The following CAMTA1 variants were observed in gnomAD, a reference collection of about 807,000 sequenced individuals.
The protein encoded by CAMTA1 is calmodulin-binding transcription activator 1.
Under a neutral mutation model 170.9 loss-of-function variants are expected in CAMTA1, and 27 were observed. The ratio of observed to expected loss-of-function variants is 0.16; its 90% confidence interval spans 0.12 to 0.22. The LOEUF is 0.22. CAMTA1 is among the 10% of genes least tolerant of loss of function. The pLI is 1.00. For synonymous variants in CAMTA1, 833 were observed against 891.5 expected (o/e 0.93, Z 1.17); for missense variants, 1,619 against 2,217.2 (o/e 0.73, Z 5.42).
intron 6 of CAMTA1, among the ~76,000 whole-genome samples, chr1:7,597,484 T>C (rs1233062018): frequency 2.0e-5 from 3 of 152,120 alleles, no homozygotes; most frequent in African/African-American, 7.2e-5. Flanking sequence ...GAGTATTCCA[T>C]AGGGTTGCTG....
chr1:7,158,707 A>G (rs1181127483), intron 4 of CAMTA1, among the ~76,000 whole-genome samples: 8 of 152,214 alleles, frequency 5.3e-5, no homozygotes, highest in Admixed American at 5.2e-4. Context: ...CAGGTGGTGG[A>G]AACAAGGGTT....
intron 4 of CAMTA1, among the ~76,000 whole-genome samples, chr1:7,188,629 T>C (rs1371218836): frequency 2.0e-5 from 3 of 152,232 alleles, no homozygotes; most frequent in African/African-American, 7.2e-5. Flanking sequence ...ATCCATGTTG[T>C]AGCAGGTATG....
chr1:7,656,649 A>T (rs927953174), intron 7 of CAMTA1, among the ~76,000 whole-genome samples: 1 of 152,204 alleles, frequency 6.6e-6, no homozygotes, highest in Non-Finnish European at 1.5e-5. Flanking sequence ...CATGGGATGG[A>T]GCAGCTGCAA....
chr1:7,192,827 G>C (rs373480246), intron 4 of CAMTA1, among the ~76,000 whole-genome samples: 2 of 152,184 alleles, frequency 1.3e-5, no homozygotes, highest in East Asian at 3.8e-4. Flanking sequence ...TGAATGCAGC[G>C]TCACCGGAAG....
In CAMTA1 at chr1:7,234,519, C is replaced by T. The variant is rs550730208; in HGVS notation, c.303-14972C>T. Among the ~76,000 whole-genome samples, 3 of 152,336 alleles carry T rather than the reference C, an allele frequency of 2.0e-5. No homozygotes were observed. The highest frequency in any genetic ancestry group is 2.1e-4 in the South Asian group (1 of 4,826). ...AGGCAGGGCTGTGGCACCCTCAGCA[C>T]CCGGCGTGAATGCTCAGCCGTGATA... On this transcript the variant is annotated intron_variant, in intron 4 of 22. Coordinates refer to ENST00000303635, the MANE Select transcript of CAMTA1 (RefSeq NM_015215.4). This position sits in a 1 kb window ranked among gnomAD's most constrained non-coding sequence, Gnocchi z 5.0.
intron 6 of CAMTA1, among the ~76,000 whole-genome samples, chr1:7,601,028 A>C (rs537757934): frequency 6.6e-6 from 1 of 152,160 alleles, no homozygotes; most frequent in African/African-American, 2.4e-5. Context: ...GTGGCTGGGC[A>C]GAGGGGCTCC....
intron 3 of CAMTA1, among the ~76,000 whole-genome samples, chr1:7,089,516 T>C (rs1486924885): frequency 2.0e-5 from 3 of 151,726 alleles, no homozygotes; most frequent in South Asian, 2.1e-4. Context: ...ACTTCTGCCA[T>C]GCACGTTTTT....
chr1:7,542,337 A>G (rs193207266), intron 6 of CAMTA1, among the ~76,000 whole-genome samples: 36 of 150,650 alleles, frequency 2.4e-4, no homozygotes, highest in Non-Finnish European at 4.4e-4. Context: ...TTGATAATAT[A>G]AGATGAGGTT....
chr1:7,692,509 G>A (rs998033367), intron 11 of CAMTA1, among the ~76,000 whole-genome samples: 1 of 152,044 alleles, frequency 6.6e-6, no homozygotes, highest in African/African-American at 2.4e-5. Context: ...CCTGGTGAAG[G>A]AAAGAAAGAA....
intron 5 of CAMTA1, among the ~76,000 whole-genome samples, chr1:7,297,081 G>T (rs1388282450): frequency 1.3e-5 from 2 of 152,190 alleles, no homozygotes; most frequent in Non-Finnish European, 2.9e-5. Context: ...TTTCAGAAAT[G>T]TCCTAATTTT....
intron 3 of CAMTA1, among the ~76,000 whole-genome samples, chr1:6,928,716 A>G (rs975371972): frequency 3.3e-5 from 5 of 152,028 alleles, no homozygotes; most frequent in African/African-American, 9.7e-5. Flanking sequence ...CTGGGGTTCC[A>G]TTATCAGGCC....
intron 5 of CAMTA1, among the ~76,000 whole-genome samples, chr1:7,257,151 C>T (rs1259348581): frequency 1.3e-5 from 2 of 151,784 alleles, no homozygotes; most frequent in Non-Finnish European, 2.9e-5. Context: ...GCTCTCTCTT[C>T]CCTAACTACA....
intron 3 of CAMTA1, among the ~76,000 whole-genome samples, chr1:6,949,563 C>T (rs763944585): frequency 1.1e-4 from 16 of 152,168 alleles, no homozygotes; most frequent in Admixed American, 6.5e-4. Context: ...AGGCTGCTGG[C>T]GAGGAAATTC....
At chr1:6,833,835 A>G (rs1651613242) in intron 3 of CAMTA1, among the ~76,000 whole-genome samples, 1 of 152,234 alleles carries the variant, frequency 6.6e-6, no homozygotes, top group Admixed American at 6.5e-5. Flanking sequence ...CATTAAATTA[A>G]GATGCAAAGT....
intron 3 of CAMTA1, among the ~76,000 whole-genome samples, chr1:6,919,453 C>G (rs768578176): frequency 6.6e-6 from 1 of 152,112 alleles, no homozygotes; most frequent in African/African-American, 2.4e-5. Context: ...CAAGCCAGGG[C>G]AAGTTTTTGT....
chr1:7,142,126 G>A, intron 4 of CAMTA1: 1 of 518,816 alleles, frequency 1.9e-6, no homozygotes, highest in South Asian at 1.4e-5. Context: ...TGAGTGCCCA[G>A]ATGTTCCTCT....
chr1:7,191,695 G>T (rs1266689226), intron 4 of CAMTA1, among the ~76,000 whole-genome samples: 2 of 152,208 alleles, frequency 1.3e-5, no homozygotes, highest in Non-Finnish European at 2.9e-5. Context: ...CAGCTGCAAG[G>T]CGTGAGGGAT....
chr1:6,990,308 A>G (rs183346339), intron 3 of CAMTA1, among the ~76,000 whole-genome samples: 4 of 152,306 alleles, frequency 2.6e-5, no homozygotes, highest in Admixed American at 2.0e-4. Flanking sequence ...TCTCCCAAAC[A>G]TTATACTGAA....
chr1:7,714,055 A>G (rs2096591403), intron 11 of CAMTA1, among the ~76,000 whole-genome samples: 2 of 152,088 alleles, frequency 1.3e-5, no homozygotes, highest in Admixed American at 6.5e-5. Flanking sequence ...CTCTCTTTCC[A>G]CCACGAATTG....
Sources: allele counts gnomAD v4.1 joint callset (sites outside exome capture counted in the v4.1 genomes callset), GRCh38; gene constraint gnomAD v4.1.1; non-coding constraint Gnocchi (gnomAD v3.1); transcripts MANE v1.5; gene names NCBI Gene and HGNC (gene_info 2026-07-23, HGNC 2026-07-21).